The following FBN1 variants were observed in gnomAD, a reference collection of about 807,000 sequenced individuals.
The protein encoded by FBN1 is fibrillin 1.
In FBN1, 29 loss-of-function variants were observed where a neutral mutation model predicts 365.1. That is an observed-to-expected ratio of 0.08 (90% CI 0.06 to 0.11). The LOEUF is 0.11. Among genes scored for constraint, FBN1 ranks in the 10% least tolerant of loss-of-function variants. The pLI, the probability that FBN1 is intolerant of heterozygous loss-of-function variation, is 1.00. For synonymous variants in FBN1, 1,210 were observed against 1,270.5 expected, an observed-to-expected ratio of 0.95 and a Z score of 1.01; for missense variants, 2,476 against 3,703.2, an observed-to-expected ratio of 0.67 and a Z score of 8.60.
chr15:48,437,676 G>A lies in FBN1; in HGVS notation c.6313+92C>T. 5.5e-6 allele frequency: 7 copies of A among 1,279,936 alleles called. No homozygotes were observed. The South Asian group carries it at 8.7e-5, about 16-fold the overall frequency. 79.3% of individuals were successfully genotyped at this position (1,279,936 alleles called of 1,614,324 possible). ...ATTAGACTTACAATTAAATTAAATT[G>A]TGTTACTGTCTTTAAGGCCTACAGT... On this transcript the variant is annotated intron_variant, in intron 51 of 65. Transcript: ENST00000316623.
Position 48,526,236 on chromosome 15 carries a change from G to T in FBN1, c.882C>A (p.Thr294=), listed in dbSNP as rs776654183. 1 of 1,614,008 alleles carries T rather than the reference G, an allele frequency of 6.2e-7. No individual in the cohort carries two copies. Among genetic ancestry groups the T allele is most frequent in the Admixed American group, 1.7e-5 (1 of 60,022 alleles). ...QKCEDIDECS[T]IPGICEGGEC... is the part of the protein sequence containing the mutation. ...CACCCCCTTCACAGATTCCAGGAAT[G>T]GTGCTGCATTCATCAATATCTGGAA... Residue 294 remains threonine, a synonymous_variant, in exon 9 of 66, where the codon ACC becomes ACA. Coordinates refer to ENST00000316623, the MANE Select transcript of FBN1 (RefSeq NM_000138.5).
At chr15:48,534,971 T>TAGA (rs2044002851) in intron 7 of FBN1, among the ~76,000 whole-genome samples, 1 of 152,116 alleles carries the variant, frequency 6.6e-6, no homozygotes, top group African/African-American at 2.4e-5. Flanking sequence ...CGACATGACT[T>TAGA]CTCTGATCTT....
At chr15:48,624,442 CAT>C (rs1311450265) in intron 2 of FBN1, among the ~76,000 whole-genome samples, 5 of 152,334 alleles carry the variant, frequency 3.3e-5, no homozygotes, top group African/African-American at 9.6e-5. Context: ...ACTGGCGTCA[CAT>C]GTCTGGTTGG....
chr15:48,592,905 A>ATGTG (rs1433765479), intron 6 of FBN1, among the ~76,000 whole-genome samples: 1 of 152,234 alleles, frequency 6.6e-6, no homozygotes, highest in African/African-American at 2.4e-5. Context: ...AATAAGCCAC[A>ATGTG]GGTCTCTATT....
At chr15:48,621,594 G>A (rs993534291) in intron 2 of FBN1, among the ~76,000 whole-genome samples, 15 of 152,140 alleles carry the variant, frequency 9.9e-5, no homozygotes, top group Admixed American at 3.3e-4. Context: ...ACTAAATGCA[G>A]TGTGGTATCC....
intron 45 of FBN1, 50 bp from the exon 46 acceptor site, chr15:48,448,943 T>C (rs747723320): frequency 1.4e-6 from 2 of 1,474,542 alleles, no homozygotes; most frequent in African/African-American, 1.4e-5. Flanking sequence ...AAAATATAAT[T>C]GAATAACTTA....
intron 9 of FBN1, among the ~76,000 whole-genome samples, chr15:48,522,141 T>C (rs1290183495): frequency 6.6e-6 from 1 of 152,184 alleles, no homozygotes; most frequent in Non-Finnish European, 1.5e-5. Context: ...TGCCAATGTC[T>C]CCCATCACCC....
chr15:48,581,114 T>C (rs2044388608), intron 6 of FBN1, among the ~76,000 whole-genome samples: 1 of 152,184 alleles, frequency 6.6e-6, no homozygotes, highest in South Asian at 2.1e-4. Context: ...ATATGCCAGA[T>C]CCATTCTTTA....
At chr15:48,630,094 G>C (rs978337015) in intron 2 of FBN1, among the ~76,000 whole-genome samples, 4 of 152,204 alleles carry the variant, frequency 2.6e-5, no homozygotes, top group South Asian at 4.1e-4. Context: ...CTACACCTGT[G>C]CAAACAATTA....
At chr15:48,467,248 T>C (rs1046598398) in intron 38 of FBN1, among the ~76,000 whole-genome samples, 1 of 152,220 alleles carries the variant, frequency 6.6e-6, no homozygotes, top group Non-Finnish European at 1.5e-5. Flanking sequence ...TAATTCATCT[T>C]TGCACATCCA....
intron 9 of FBN1, 77 bp from the exon 10 acceptor site, chr15:48,520,894 C>T: frequency 6.3e-7 from 1 of 1,590,440 alleles, no homozygotes; most frequent in Non-Finnish European, 8.6e-7. Context: ...GCCCGAGCAG[C>T]TCCATACTTC....
chr15:48,452,141 T>C (rs765154279), intron 45 of FBN1, among the ~76,000 whole-genome samples: 50 of 152,274 alleles, frequency 3.3e-4, no homozygotes, highest in Admixed American at 3.9e-4. Context: ...AGATTTGGGG[T>C]ATGCAGCCAA....
chr15:48,644,454 G>A, intron 2 of FBN1, 152 bp downstream of exon 2: 1 of 1,012,470 alleles, frequency 9.9e-7, no homozygotes, highest in Non-Finnish European at 1.5e-6. Flanking sequence ...GTTTAACCAC[G>A]AACGGGGTGG....
chr15:48,470,548 G>A (rs927794478), intron 36 of FBN1, 86 bp downstream of exon 36: 34 of 1,567,682 alleles, frequency 2.2e-5, no homozygotes, highest in African/African-American at 5.4e-5. Context: ...CTTCTGTGAC[G>A]GCCCTTGTGT....
intron 6 of FBN1, among the ~76,000 whole-genome samples, chr15:48,539,057 C>G (rs951352108): frequency 1.3e-5 from 2 of 152,162 alleles, no homozygotes; most frequent in African/African-American, 4.8e-5. Flanking sequence ...CATTCTGGAT[C>G]GTAACAATGT....
At chr15:48,604,821 A>T (rs894547405) in intron 4 of FBN1, among the ~76,000 whole-genome samples, 2 of 152,136 alleles carry the variant, frequency 1.3e-5, no homozygotes, top group Non-Finnish European at 2.9e-5. Flanking sequence ...CACTTTCAGG[A>T]TGGTTGCACC....
chr15:48,412,411 A>G (rs939696704), intron 65 of FBN1, among the ~76,000 whole-genome samples, 158 bp downstream of exon 65: 1 of 152,192 alleles, frequency 6.6e-6, no homozygotes, highest in Non-Finnish European at 1.5e-5. Context: ...AGAAAGCCCC[A>G]CAGCCTCTTG....
chr15:48,442,738 G>A (rs755826037), intron 49 of FBN1, among the ~76,000 whole-genome samples: 15 of 152,108 alleles, frequency 9.9e-5, no homozygotes, highest in Non-Finnish European at 1.3e-4. Context: ...TAAAACATAC[G>A]ATTACCTATG....
intron 2 of FBN1, among the ~76,000 whole-genome samples, chr15:48,636,284 G>A (rs540346100): frequency 6.6e-6 from 1 of 152,128 alleles, no homozygotes; most frequent in South Asian, 2.1e-4. Flanking sequence ...ATGTAGAGAG[G>A]CCACGTATAG....
Sources: allele counts gnomAD v4.1 joint callset (sites outside exome capture counted in the v4.1 genomes callset), GRCh38; gene constraint gnomAD v4.1.1; transcripts MANE v1.5; gene names NCBI Gene and HGNC (gene_info 2026-07-23, HGNC 2026-07-21).